Variants in ONECUT2 observed in about 807,000 individuals in gnomAD.
The protein encoded by ONECUT2 is one cut homeobox 2.
A neutral mutation model predicts 27.9 loss-of-function variants in ONECUT2; 10 were observed. The observed-to-expected ratio is 0.36, with a 90% confidence interval of 0.22 to 0.61. The LOEUF (loss-of-function observed/expected upper bound fraction) is 0.61. Among genes scored for constraint, ONECUT2 ranks in the 20% least tolerant of loss-of-function variants. ONECUT2 has a pLI of 0.73. For synonymous variants in ONECUT2, 334 were observed against 315.1 expected (o/e 1.06, Z -0.64); for missense variants, 686 against 721.0 (o/e 0.95, Z 0.56).
chr18:57,456,347 A>AAC (rs2122122990), intron 1 of ONECUT2, among the ~76,000 whole-genome samples: 2 of 152,342 alleles, frequency 1.3e-5, no homozygotes, highest in East Asian at 3.9e-4. Flanking sequence ...ACAGTTCATC[A>AAC]AGAGGTGAAT....
At chr18:57,462,723 C>CTTTTTTTT (rs57032206) in intron 1 of ONECUT2, among the ~76,000 whole-genome samples, 16 of 68,998 alleles carry the variant, frequency 2.3e-4, no homozygotes, top group Non-Finnish European at 3.3e-4. Flanking sequence ...TATTTTCTTT[C>CTTTTTTTT]TTTTTTTTTT....
Position 57,456,617 on chromosome 18 carries a change from G to T in ONECUT2, c.1228+19673G>T, listed in dbSNP as rs571460026. Among the ~76,000 whole-genome samples the T allele has an allele frequency of 3.3e-4, 50 of 152,268 alleles. 1 individual carries two copies. The South Asian group carries it at 0.01, about 31-fold the overall frequency. ...AGGGAAATGGAAACTTGTTTAATGA[G>T]TATAGAGTTTTAGTTCTGCAAGATA... is the stretch of plus-strand genomic sequence containing the variant. On this transcript the variant is annotated intron_variant, in intron 1 of 1. Transcript: ENST00000491143.
intron 1 of ONECUT2, among the ~76,000 whole-genome samples, chr18:57,471,347 G>A (rs1478562301): frequency 6.6e-6 from 1 of 152,208 alleles, no homozygotes; most frequent in Non-Finnish European, 1.5e-5. Context: ...GAGTTGGGTT[G>A]GGATGGGGAA....
intron 1 of ONECUT2, among the ~76,000 whole-genome samples, chr18:57,448,528 A>G (rs1319270189): frequency 2.0e-5 from 3 of 152,230 alleles, no homozygotes; most frequent in Non-Finnish European, 2.9e-5. Context: ...TGGGTGTTAA[A>G]TGTATTTTGT....
At position 57,473,918 on chromosome 18, in the gene ONECUT2, A is replaced by G. The variant is rs2050367934; in HGVS notation, c.1229-2519A>G. On this transcript the variant is annotated intron_variant, in intron 1 of 1. Coordinates refer to ENST00000491143, the MANE Select transcript of ONECUT2 (RefSeq NM_004852.3). The stretch of plus-strand genomic sequence containing the variant: ...CACAGGAATGAGCAAAGAAGAAATC[A>G]TTACCGGTAAGCTGTTGGAAGGATG... Among the ~76,000 whole-genome samples the G allele has an allele frequency of 2.0e-5, 3 of 152,180 alleles. No individual in the cohort carries two copies. The South Asian group carries it at 6.2e-4, about 32-fold the overall frequency.
rs748797415 is a variant in ONECUT2, at chr18:57,436,993, G to A, written c.1228+49G>A. On this transcript the variant is annotated intron_variant, in intron 1 of 1. Coordinates refer to ENST00000491143, the MANE Select transcript of ONECUT2 (RefSeq NM_004852.3). This position sits in a 1 kb window ranked among gnomAD's most constrained non-coding sequence, Gnocchi z 5.9. The stretch of plus-strand genomic sequence containing the variant: ...CCAGGCTGCTGGGAAGAGGGCTCCG[G>A]GTCCGGTGCTTGTGGCCCAAGTCTG... The A allele has an allele frequency of 3.9e-6, 6 of 1,520,380 alleles. 1 individual carries two copies. In the South Asian group the frequency reaches 7.6e-5, roughly 19 times the overall value. 94.2% of individuals were successfully genotyped at this position (1,520,380 alleles called of 1,614,324 possible). A position where few individuals can be genotyped will look rare whatever the true frequency, so the allele number is the denominator to read the frequency against.
At chr18:57,471,775 G>C (rs664805) in intron 1 of ONECUT2, among the ~76,000 whole-genome samples, 95,246 of 152,110 alleles carry the variant, frequency 0.63, 32,299 homozygotes, top group Middle Eastern at 0.8. Context: ...AGTGGGGAAA[G>C]GTAGCCTTAT....
intron 1 of ONECUT2, among the ~76,000 whole-genome samples, chr18:57,456,576 G>T (rs1006485119): frequency 2.0e-5 from 3 of 152,204 alleles, no homozygotes; most frequent in African/African-American, 7.2e-5. Context: ...AATGGTGCTT[G>T]CCAGGTGCCT....
chr18:57,486,150 A>ATAT lies in ONECUT2; in HGVS notation c.*9428_*9429insATT, dbSNP rs1156591462. 6.5e-6 allele frequency: 1 copy of ATAT among 152,748 alleles called. No individual in the cohort carries two copies. Among genetic ancestry groups the ATAT allele is most frequent in the Admixed American group, 6.6e-5 (1 of 15,262 alleles). 9.5% of individuals were successfully genotyped at this position (152,748 alleles called of 1,614,324 possible). A position where few individuals can be genotyped will look rare whatever the true frequency, so the allele number is the denominator to read the frequency against. On this transcript the variant is annotated 3_prime_UTR_variant, in exon 2 of 2. Coordinates refer to ENST00000491143, the MANE Select transcript of ONECUT2 (RefSeq NM_004852.3). ...CCACTTGGCAGACCTCTCCTCAGCA[A>ATAT]TCCCCCCAGCCTCATGCTTCACTTG...
At chr18:57,469,672 T>C (rs2050342995) in intron 1 of ONECUT2, among the ~76,000 whole-genome samples, 1 of 152,234 alleles carries the variant, frequency 6.6e-6, no homozygotes, top group Non-Finnish European at 1.5e-5. Flanking sequence ...CCATTAGCCC[T>C]CTGGGCAGTT....
Position 57,444,451 on chromosome 18 carries a change from A to G in ONECUT2, c.1228+7507A>G, listed in dbSNP as rs546714523. 1.1e-3 allele frequency: 520 copies of G among 456,572 alleles called. 3 individuals carry two copies. The highest frequency in any genetic ancestry group is 3.6e-3 in the South Asian group (232 of 64,556). 28.3% of individuals were successfully genotyped at this position (456,572 alleles called of 1,614,324 possible). On this transcript the variant is annotated intron_variant, in intron 1 of 1. Transcript: ENST00000491143. ...GGGTGGGTAGCAAGCCTTTCCTTTT[A>G]AGGGTGATTGGCAGCCATTGGCAGC...
Position 57,488,510 on chromosome 18 carries a change from T to G in ONECUT2, c.*11787T>G, listed in dbSNP as rs1240522021. 6.6e-6 allele frequency: 1 copy of G among 152,648 alleles called. No individual in the cohort carries two copies. The highest frequency in any genetic ancestry group is 1.5e-5 in the Non-Finnish European group (1 of 68,030). 9.5% of individuals were successfully genotyped at this position (152,648 alleles called of 1,614,324 possible). A position where few individuals can be genotyped will look rare whatever the true frequency, so the allele number is the denominator to read the frequency against. On this transcript the variant is annotated 3_prime_UTR_variant, in exon 2 of 2. Transcript: ENST00000491143. ...ATGCATGGGTCTGGCTGGTTACACT[T>G]TGCCAAGAAGACTTGTCTTATGAAA...
chr18:57,465,523 C>T (rs2050316782), intron 1 of ONECUT2, among the ~76,000 whole-genome samples: 1 of 152,180 alleles, frequency 6.6e-6, no homozygotes, highest in Admixed American at 6.5e-5. Context: ...CTATTTTCTT[C>T]TTAATAATTT....
chr18:57,456,284 A>G (rs1359759893), intron 1 of ONECUT2, among the ~76,000 whole-genome samples: 1 of 152,040 alleles, frequency 6.6e-6, no homozygotes, highest in Admixed American at 6.6e-5. Flanking sequence ...ATATTTGTAC[A>G]CCCGTGTTCA....
intron 1 of ONECUT2, among the ~76,000 whole-genome samples, chr18:57,461,066 C>T (rs1217767345): frequency 6.6e-6 from 1 of 152,058 alleles, no homozygotes; most frequent in Admixed American, 6.5e-5. Context: ...TTATTTCTAG[C>T]TACTTGTTAC....
At position 57,489,234 on chromosome 18, in the gene ONECUT2, A is replaced by G. The variant is rs1354600996; in HGVS notation, c.*12511A>G. 1 of 152,094 alleles carries G rather than the reference A, an allele frequency of 6.6e-6. No homozygotes were observed. Among genetic ancestry groups the G allele is most frequent in the Admixed American group, 6.6e-5 (1 of 15,262 alleles). 9.4% of individuals were successfully genotyped at this position (152,094 alleles called of 1,614,324 possible). On this transcript the variant is annotated 3_prime_UTR_variant, in exon 2 of 2. Transcript: ENST00000491143. ...CATCCTGTTTAGCTATCCCATCTAT[A>G]CCTTTTGGAGATGATTATTTAGAAA...
intron 1 of ONECUT2, among the ~76,000 whole-genome samples, chr18:57,462,325 T>C (rs1452923306): frequency 6.6e-6 from 1 of 152,246 alleles, no homozygotes; most frequent in East Asian, 1.9e-4. Flanking sequence ...GGCAGACATA[T>C]GTGTTTAAGA....
In ONECUT2 at chr18:57,488,209, A is replaced by G. The variant is rs1185884353; in HGVS notation, c.*11486A>G. 1 of 152,670 alleles carries G rather than the reference A, an allele frequency of 6.6e-6. No homozygotes were observed. Among genetic ancestry groups the G allele is most frequent in the Non-Finnish European group, 1.5e-5 (1 of 68,054 alleles). The allele number at this position is 152,670 out of a possible 1,614,324, so 9.5% of individuals were successfully genotyped here. A position where few individuals can be genotyped will look rare whatever the true frequency, so the allele number is the denominator to read the frequency against. On this transcript the variant is annotated 3_prime_UTR_variant, in exon 2 of 2. Coordinates refer to ENST00000491143, the MANE Select transcript of ONECUT2 (RefSeq NM_004852.3). ...TTATTTTTCTCTTATTAATCTGCCA[A>G]AGATGGGAACAGATACAAGAATTTT...
At chr18:57,459,947 G>A (rs2050280947) in intron 1 of ONECUT2, among the ~76,000 whole-genome samples, 1 of 151,876 alleles carries the variant, frequency 6.6e-6, no homozygotes, top group South Asian at 2.1e-4. Flanking sequence ...TTTAGAGGCA[G>A]GATCTCACTC....
Sources: gnomAD v4.1 joint callset for allele counts (sites outside exome capture counted in the v4.1 genomes callset) on GRCh38, gnomAD v4.1.1 for gene constraint, Gnocchi (gnomAD v3.1) non-coding constraint, MANE v1.5 for transcripts, NCBI Gene and HGNC (gene_info 2026-07-23, HGNC 2026-07-21) for gene names.